Variants in R3HCC1 observed in about 807,000 individuals in gnomAD.
R3HCC1 encodes the protein R3H and coiled-coil domain-containing protein 1.
In R3HCC1, 32 loss-of-function variants were observed where a neutral mutation model predicts 40.0. That is an observed-to-expected ratio of 0.80 (90% CI 0.60 to 1.07). R3HCC1 has a LOEUF of 1.07. Among genes scored for constraint, R3HCC1 ranks in the 50% least tolerant of loss-of-function variants. R3HCC1 has a pLI of 0.00. For missense variants in R3HCC1, 586 were observed against 563.3 expected, an observed-to-expected ratio of 1.04 and a Z score of -0.41; for synonymous variants, 237 against 232.8, an observed-to-expected ratio of 1.02 and a Z score of -0.17.
At position 23,296,006 on chromosome 8, in the gene R3HCC1, C is replaced by T. The variant is rs1028197342; in HGVS notation, c.1232C>T (p.Ala411Val). The change falls in exon 8 of 8, where the codon GCG becomes GTG. Residue 411 changes from alanine to valine, a missense_variant. Physicochemically the swap from Ala to Val is moderately conservative, Grantham distance 64 (BLOSUM62 0). Transcript: ENST00000265806. ...GTGAAGGAGAGGCCACAGACAAATGCGACTGTGGCCCGGCGGCTGGTGGCC... is the reference window on the plus strand; with the variant it reads ...GTGAAGGAGAGGCCACAGACAAATGTGACTGTGGCCCGGCGGCTGGTGGCC... 60 of 1,550,766 alleles carry T rather than the reference C, an allele frequency of 3.9e-5. No homozygotes were observed. The highest frequency in any genetic ancestry group is 6.8e-5 in the African/African-American group (5 of 73,058).
intron 2 of R3HCC1, among the ~76,000 whole-genome samples, 184 bp from the exon 3 acceptor site, chr8:23,288,832 G>A (rs1191564482): frequency 1.3e-5 from 2 of 152,208 alleles, no homozygotes; most frequent in Admixed American, 6.5e-5. Flanking sequence ...CCGGCACAGG[G>A]ATTGGGGATG....
chr8:23,293,418 G>C (rs1368612795), intron 6 of R3HCC1, 45 bp downstream of exon 6: 3 of 1,452,442 alleles, frequency 2.1e-6, no homozygotes, highest in Admixed American at 2.0e-5. Flanking sequence ...GATCCCTGTT[G>C]AGAGGGAGGA....
At position 23,288,147 on chromosome 8, in the gene R3HCC1, G is replaced by C. The variant is rs1015230898; in HGVS notation, c.-29G>C. The C allele has an allele frequency of 6.4e-6, 8 of 1,248,976 alleles. No homozygotes were observed. Among genetic ancestry groups the C allele is most frequent in the Non-Finnish European group, 7.2e-6 (7 of 972,458 alleles). 77.4% of individuals were successfully genotyped at this position (1,248,976 alleles called of 1,614,324 possible). ...ACGCCGAGGGCGGCTGCGACGCGCC[G>C]AGAGGCCGCGGTGAGTGCAGCAGCA... On this transcript the variant is annotated 5_prime_UTR_variant, in exon 1 of 8. Transcript: ENST00000265806.
In R3HCC1 at chr8:23,288,122, A is replaced by G; in HGVS notation, c.-54A>G. On this transcript the variant is annotated 5_prime_UTR_variant, in exon 1 of 8. Transcript: ENST00000265806. ...CGCTCGGGCGCGCTGGCCCCTGGGG[A>G]CGCCGAGGGCGGCTGCGACGCGCCG... 2 of 1,260,200 alleles carry G rather than the reference A, an allele frequency of 1.6e-6. No homozygotes were observed. The allele number at this position is 1,260,200 out of a possible 1,614,324, so 78.1% of individuals were successfully genotyped here.
intron 2 of R3HCC1, 119 bp from the exon 3 acceptor site, chr8:23,288,897 A>G (rs1485450631): frequency 3.3e-5 from 40 of 1,197,714 alleles, no homozygotes; most frequent in Non-Finnish European, 4.4e-5. Flanking sequence ...TTTGCAGTCC[A>G]TCTGGGACCC....
At chr8:23,294,064 A>G (rs1802934690) in intron 6 of R3HCC1, among the ~76,000 whole-genome samples, 1 of 152,050 alleles carries the variant, frequency 6.6e-6, no homozygotes, top group Non-Finnish European at 1.5e-5. Flanking sequence ...TGGGAGCGCC[A>G]TTGCTGCTGG....
intron 7 of R3HCC1, among the ~76,000 whole-genome samples, chr8:23,295,082 G>C (rs1714913428): frequency 6.6e-6 from 1 of 152,130 alleles, no homozygotes; most frequent in South Asian, 2.1e-4. Flanking sequence ...TCTGGGGCAG[G>C]GGTCTCCCTT....
Position 23,290,320 on chromosome 8 carries a change from G to A in R3HCC1, c.703G>A (p.Gly235Arg), listed in dbSNP as rs184314420. ...CATGGTGGAGATGGCCACACGGTTT[G>A]GGTCCACCCTGCAGCTAGACCTGGA... The change falls in exon 4 of 8, where the codon GGG becomes AGG. Residue 235 changes from glycine (G) to arginine (R), a missense_variant. By Grantham distance (125) the Gly-to-Arg change is moderately radical. Coordinates refer to ENST00000265806, the MANE Select transcript of R3HCC1 (RefSeq NM_001136108.3). The A allele has an allele frequency of 6.4e-7, 1 of 1,551,782 alleles. No homozygotes were observed. Among genetic ancestry groups the A allele is most frequent in the Admixed American group, 2.0e-5 (1 of 51,012 alleles).
intron 7 of R3HCC1, chr8:23,295,501 C>CTAA (rs1802988365): frequency 2.2e-6 from 1 of 458,416 alleles, no homozygotes; most frequent in African/African-American, 2.0e-5. Flanking sequence ...TCCATGACTT[C>CTAA]AAAGTAGTAA....
intron 5 of R3HCC1, among the ~76,000 whole-genome samples, chr8:23,292,429 C>G (rs185999621): frequency 1.4e-3 from 209 of 152,160 alleles, no homozygotes; most frequent in Non-Finnish European, 2.3e-3. Context: ...ATGGTGAAAC[C>G]CTGCCTGTCT....
rs144438636 is a variant in R3HCC1 at position 23,292,737 on chromosome 8, A to G, written c.1026-566A>G. Among the ~76,000 whole-genome samples, 15 of 152,344 alleles carry G rather than the reference A, an allele frequency of 9.8e-5. 1 individual carries two copies. The East Asian group carries it at 2.9e-3, about 29-fold the overall frequency. ...GAGAGCCGAAGGGGTGGCTAGGGGC[A>G]ACACGTTCTGCTCTTCTGTTCTCTA... On this transcript the variant is annotated intron_variant, in intron 5 of 7. Coordinates refer to ENST00000265806, the MANE Select transcript of R3HCC1 (RefSeq NM_001136108.3).
rs1303149372 is a variant in R3HCC1, at chr8:23,289,067, A to G, written c.162A>G (p.Arg54=). ...GTCGCCTCCGGTACCTGATCCATAG[A>G]ACAGCAGAGAATTTTGATCTCTTGA... The change falls in exon 3 of 8, where the codon AGA becomes AGG. Residue 54 remains arginine (R), a synonymous_variant. Coordinates refer to ENST00000265806, the MANE Select transcript of R3HCC1 (RefSeq NM_001136108.3). The G allele has an allele frequency of 6.5e-7, 1 of 1,536,602 alleles. No individual in the cohort carries two copies. The highest frequency in any genetic ancestry group is 2.0e-5 in the Admixed American group (1 of 51,000).
intron 3 of R3HCC1, among the ~76,000 whole-genome samples, 200 bp from the exon 4 acceptor site, chr8:23,289,666 C>A (rs144309565): frequency 1.3e-5 from 2 of 152,368 alleles, no homozygotes; most frequent in African/African-American, 4.8e-5. Flanking sequence ...CACTAGAGGG[C>A]AAGCTGGCTG....
rs1024669302 is a variant in R3HCC1 at position 23,288,113 on chromosome 8, C to T, written c.-63C>T. 2 of 1,264,202 alleles carry T rather than the reference C, an allele frequency of 1.6e-6. No individual in the cohort carries two copies. The highest frequency in any genetic ancestry group is 2.0e-6 in the Non-Finnish European group (2 of 977,540). 78.3% of individuals were successfully genotyped at this position (1,264,202 alleles called of 1,614,324 possible). On this transcript the variant is annotated 5_prime_UTR_variant, in exon 1 of 8. Coordinates refer to ENST00000265806, the MANE Select transcript of R3HCC1 (RefSeq NM_001136108.3). ...TCTCTAGGGCGCTCGGGCGCGCTGGCCCCTGGGGACGCCGAGGGCGGCTGC... is the reference window on the plus strand; with the variant it reads ...TCTCTAGGGCGCTCGGGCGCGCTGGTCCCTGGGGACGCCGAGGGCGGCTGC...
intron 7 of R3HCC1, chr8:23,295,651 A>T: frequency 2.1e-6 from 1 of 479,054 alleles, no homozygotes; most frequent in East Asian, 4.2e-5. Flanking sequence ...TTCCATCCTG[A>T]CTTGATACCC....
Position 23,289,380 on chromosome 8 carries a change from A to AAG in R3HCC1, c.248+239_248+240dup, listed in dbSNP as rs1005681524. Among the ~76,000 whole-genome samples the AAG allele has an allele frequency of 1.1e-4, 16 of 152,240 alleles. No individual in the cohort carries two copies. In the East Asian group the frequency reaches 1.3e-3, roughly 13 times the overall value. ...AAAATCAGCTATATGGTTGGGCCAAAAGAGAGAGAGAGATCTGTTTAAGTA... is the reference window on the plus strand; with the variant it reads ...AAAATCAGCTATATGGTTGGGCCAAAAGAGAGAGAGAGAGATCTGTTTAAGTA... On this transcript the variant is annotated intron_variant, in intron 3 of 7. Transcript: ENST00000265806.
intron 5 of R3HCC1, 106 bp from the exon 6 acceptor site, chr8:23,293,197 C>A (rs1278995240): frequency 1.7e-5 from 14 of 839,928 alleles, no homozygotes; most frequent in Non-Finnish European, 2.7e-5. Context: ...TTGCCTCAGG[C>A]TGGTGGCATC....
At chr8:23,293,727 G>A (rs1266002550) in intron 6 of R3HCC1, among the ~76,000 whole-genome samples, 1 of 152,202 alleles carries the variant, frequency 6.6e-6, no homozygotes, top group Non-Finnish European at 1.5e-5. Context: ...GAATTCTGGA[G>A]ATTTCATGTG....
At chr8:23,288,235 G>A in intron 1 of R3HCC1, 78 bp downstream of exon 1, 1 of 1,192,856 alleles carries the variant, frequency 8.4e-7, no homozygotes, top group Non-Finnish European at 1.1e-6. Flanking sequence ...GGGCTGCGCG[G>A]AGCAGGCCCC....
Sources: gnomAD v4.1 joint callset for allele counts (sites outside exome capture counted in the v4.1 genomes callset) on GRCh38, gnomAD v4.1.1 for gene constraint, MANE v1.5 for transcripts, NCBI Gene and HGNC (gene_info 2026-07-23, HGNC 2026-07-21) for gene names.